Variants in MAP4K3 observed in about 807,000 individuals in gnomAD.
The protein encoded by MAP4K3 is mitogen-activated protein kinase kinase kinase kinase 3.
MAP4K3 carries 94 observed loss-of-function variants against 143.5 expected under a neutral mutation model. The ratio of observed to expected loss-of-function variants is 0.65; its 90% CI spans 0.55 to 0.78. MAP4K3 has a LOEUF of 0.78. MAP4K3 is among the 30% of genes least tolerant of loss of function. MAP4K3 has a pLI of 0.00. For synonymous variants in MAP4K3, 416 were observed against 347.2 expected, an observed-to-expected ratio of 1.20 and a Z score of -2.20; for missense variants, 1,077 against 1,068.1, an observed-to-expected ratio of 1.01 and a Z score of -0.12.
intron 2 of MAP4K3, among the ~76,000 whole-genome samples, chr2:39,376,532 A>C (rs559738196): frequency 1.3e-5 from 2 of 152,340 alleles, no homozygotes; most frequent in African/African-American, 4.8e-5. Flanking sequence ...TTAATTTTTT[A>C]AGGAAATTTT....
chr2:39,412,668 T>C (rs1667263962), intron 1 of MAP4K3, among the ~76,000 whole-genome samples: 2 of 152,088 alleles, frequency 1.3e-5, no homozygotes, highest in South Asian at 2.1e-4. Context: ...CAGGAACAAA[T>C]ACTACTGCAA....
intron 15 of MAP4K3, among the ~76,000 whole-genome samples, chr2:39,300,988 C>A (rs1226353351): frequency 6.6e-6 from 1 of 152,146 alleles, no homozygotes; most frequent in African/African-American, 2.4e-5. Context: ...TTTATTTTCC[C>A]ATAAATAAAA....
chr2:39,434,895 T>G (rs538502435), intron 1 of MAP4K3, among the ~76,000 whole-genome samples: 3 of 152,220 alleles, frequency 2.0e-5, no homozygotes, highest in Non-Finnish European at 2.9e-5. Context: ...AATGACAAGA[T>G]TAACCAACTT....
chr2:39,315,620 G>T, intron 12 of MAP4K3: 1 of 453,868 alleles, frequency 2.2e-6, no homozygotes, highest in Non-Finnish European at 3.9e-6. Flanking sequence ...ACTAGAAAGG[G>T]CACTTCTTTG....
At chr2:39,330,990 T>A (rs1023198411) in intron 8 of MAP4K3, among the ~76,000 whole-genome samples, 1 of 152,152 alleles carries the variant, frequency 6.6e-6, no homozygotes, top group African/African-American at 2.4e-5. Context: ...ATGGCAGAAG[T>A]TACAACTAAG....
intron 28 of MAP4K3, among the ~76,000 whole-genome samples, chr2:39,263,979 A>C (rs1309018036): frequency 1.3e-5 from 2 of 152,252 alleles, no homozygotes; most frequent in African/African-American, 4.8e-5. Context: ...ATACCAGGTT[A>C]ATCAGTATAT....
intron 4 of MAP4K3, among the ~76,000 whole-genome samples, chr2:39,342,108 GTATTATTATTATTATTATTATTAT>G (rs113261872): frequency 2.2e-4 from 32 of 143,152 alleles, no homozygotes; most frequent in Admixed American, 1.1e-3. Flanking sequence ...TGTCTTTCTA[GTATTATTATTATTATTATTATTAT>G]TATTATTATT....
intron 23 of MAP4K3, among the ~76,000 whole-genome samples, chr2:39,279,760 G>A (rs372299846): frequency 6.6e-6 from 1 of 152,062 alleles, no homozygotes; most frequent in East Asian, 1.9e-4. Flanking sequence ...CCAGCCTGGG[G>A]AACACAGACA....
At chr2:39,264,930 T>C (rs72923501) in intron 28 of MAP4K3, among the ~76,000 whole-genome samples, 3,530 of 152,292 alleles carry the variant, frequency 0.023, 140 homozygotes, top group African/African-American at 0.081. Flanking sequence ...ACTGATCTTT[T>C]AGTACTTCCT....
chr2:39,322,249 AC>A (rs972333224), intron 12 of MAP4K3, among the ~76,000 whole-genome samples: 32 of 152,310 alleles, frequency 2.1e-4, no homozygotes, highest in African/African-American at 7.2e-4. Flanking sequence ...CCAAACAAAA[AC>A]AGGTAACATG....
chr2:39,390,450 G>A (rs1315763645), intron 1 of MAP4K3, among the ~76,000 whole-genome samples: 2 of 152,214 alleles, frequency 1.3e-5, no homozygotes, highest in African/African-American at 2.4e-5. Context: ...GATCTGAGGT[G>A]AGCCCCAGGA....
At chr2:39,409,092 C>T (rs369257182) in intron 1 of MAP4K3, among the ~76,000 whole-genome samples, 3 of 152,312 alleles carry the variant, frequency 2.0e-5, no homozygotes, top group African/African-American at 7.2e-5. Flanking sequence ...CCTTCCTCTT[C>T]CTCCTCAGCC....
chr2:39,250,758 G>T, intron 33 of MAP4K3, 53 bp from the exon 34 acceptor site: 1 of 1,456,290 alleles, frequency 6.9e-7, no homozygotes, highest in Non-Finnish European at 9.6e-7. Context: ...GAAAATTAAT[G>T]TTAGCTCCCA....
At chr2:39,409,044 T>C (rs1259857165) in intron 1 of MAP4K3, among the ~76,000 whole-genome samples, 1 of 152,226 alleles carries the variant, frequency 6.6e-6, no homozygotes, top group Non-Finnish European at 1.5e-5. Flanking sequence ...CTCTTCTGTC[T>C]TTCCTTTCAC....
At chr2:39,410,071 G>A (rs1558340739) in intron 1 of MAP4K3, among the ~76,000 whole-genome samples, 1 of 152,148 alleles carries the variant, frequency 6.6e-6, no homozygotes, top group Non-Finnish European at 1.5e-5. Flanking sequence ...TATCCTTTAC[G>A]TTTTTCTGAC....
chr2:39,338,462 C>A (rs909640094), intron 4 of MAP4K3, among the ~76,000 whole-genome samples: 6 of 152,152 alleles, frequency 3.9e-5, no homozygotes, highest in Non-Finnish European at 7.3e-5. Context: ...CAACAGTAAG[C>A]AATACCAATA....
intron 1 of MAP4K3, among the ~76,000 whole-genome samples, chr2:39,381,450 G>A (rs895173839): frequency 6.6e-6 from 1 of 151,942 alleles, no homozygotes; most frequent in African/African-American, 2.4e-5. Context: ...TTTTCTTATG[G>A]GTATCCTTTG....
At chr2:39,270,861 T>C (rs952722089) in intron 26 of MAP4K3, among the ~76,000 whole-genome samples, 2 of 152,158 alleles carry the variant, frequency 1.3e-5, no homozygotes, top group African/African-American at 4.8e-5. Flanking sequence ...AAAGGGTTTT[T>C]AGGTTTCCTG....
chr2:39,349,435 T>C (rs559916731), intron 3 of MAP4K3, among the ~76,000 whole-genome samples: 1 of 152,296 alleles, frequency 6.6e-6, no homozygotes, highest in South Asian at 2.1e-4. Context: ...TCCCCCAGTG[T>C]TCAGCATAAT....
Sources: allele counts gnomAD v4.1 joint callset (sites outside exome capture counted in the v4.1 genomes callset), GRCh38; gene constraint gnomAD v4.1.1; transcripts MANE v1.5; gene names NCBI Gene and HGNC (gene_info 2026-07-23, HGNC 2026-07-21).